RTKN: variants seen among roughly 807,000 people sequenced by gnomAD.
RTKN encodes rhotekin.
RTKN carries 49 observed loss-of-function variants against 63.5 expected under a neutral mutation model. The ratio of observed to expected loss-of-function variants is 0.77; its 90% CI spans 0.61 to 0.98. RTKN has a LOEUF of 0.98. RTKN is among the 50% of genes least tolerant of loss of function. The probability of loss-of-function intolerance (pLI) is 0.00; values close to 1 mark genes in which losing one functional copy is unlikely to be tolerated. For missense variants in RTKN, 685 were observed against 740.8 expected (o/e 0.92, Z 0.87); for synonymous variants, 295 against 290.4 (o/e 1.02, Z -0.16).
intron 1 of RTKN, among the ~76,000 whole-genome samples, chr2:74,437,782 TTAGG>T (rs1671137081): frequency 6.6e-6 from 1 of 152,208 alleles, no homozygotes; most frequent in African/African-American, 2.4e-5. Flanking sequence ...TGGAGGATAA[TTAGG>T]TAGAGTCCCA....
rs78167177 is a variant in RTKN at position 74,429,702 on chromosome 2, C to T, written c.755+126G>A. 4,081 of 913,152 alleles carry T rather than the reference C, an allele frequency of 4.5e-3. 11 individuals carry two copies. Among genetic ancestry groups the T allele is most frequent in the Non-Finnish European group, 6.0e-3 (3,581 of 593,288 alleles). 56.6% of individuals were successfully genotyped at this position (913,152 alleles called of 1,614,324 possible). On this transcript the variant is annotated intron_variant, in intron 6 of 11. Transcript: ENST00000272430. ...GCCTCCCAGCTACGTGGCCACTGCT[C>T]ATTCATATCTGTCTGCACATCCTGG...
At position 74,428,471 on chromosome 2, in the gene RTKN, C is replaced by A. The variant is rs975552969; in HGVS notation, c.958-75G>T. On this transcript the variant is annotated intron_variant, in intron 8 of 11. Transcript: ENST00000272430. The stretch of plus-strand genomic sequence containing the variant: ...CCTCTTCTCAGCCCCCCATGAGAAC[C>A]TGTTCGTTTTGTCCACCCTGCTGTC... 28 of 1,609,498 alleles carry A rather than the reference C, an allele frequency of 1.7e-5. No individual in the cohort carries two copies. In the Admixed American group the frequency reaches 3.3e-4, roughly 19 times the overall value.
chr2:74,437,977 T>C (rs1225245366), intron 1 of RTKN, among the ~76,000 whole-genome samples: 2 of 152,190 alleles, frequency 1.3e-5, no homozygotes, highest in African/African-American at 2.4e-5. Flanking sequence ...CTGAGAAAGA[T>C]TCTGAGGCCA....
chr2:74,432,582 CTCGCTGGGAGCAGGCTG>C lies in RTKN; in HGVS notation c.179_195del (p.Ala60GlyfsTer42), dbSNP rs775167501. On this transcript the variant is annotated frameshift_variant, in exon 2 of 12. Transcript: ENST00000272430. LOFTEE classifies it high-confidence loss of function. Reference sequence around the variant, plus strand: ...CTCTTGGTGGCCTCCAGAGCCTGCTCTCGCTGGGAGCAGGCTGCCAGCAGCTTACAGGCCCCTTCCCT... The same window carrying C: ...CTCTTGGTGGCCTCCAGAGCCTGCTCCCAGCAGCTTACAGGCCCCTTCCCT... The C allele has an allele frequency of 3.7e-6, 6 of 1,614,052 alleles. No individual in the cohort carries two copies. In the African/African-American group the frequency reaches 8.0e-5, roughly 22 times the overall value.
Position 74,426,515 on chromosome 2 carries a change from C to T in RTKN, c.1420G>A (p.Ala474Thr), listed in dbSNP as rs145949653. The change falls in exon 12 of 12, where the codon GCA (alanine) becomes ACA (threonine). Residue 474 changes from alanine to threonine, a missense_variant. Transcript: ENST00000272430. ...CAGGGTGGGGGTGTCTCCAGCCTTG[C>T]GCCCTCCCGCTGGGTCAGGATGTCT... ...VTDILTQREG[A>T]RLETPPPWLA... 1.6e-3 allele frequency: 2,504 copies of T among 1,566,452 alleles called. 48 individuals carry two copies. In the South Asian group the frequency reaches 0.024, roughly 15 times the overall value.
chr2:74,441,582 G>A (rs999078004), intron 1 of RTKN, 124 bp downstream of exon 1: 101 of 672,208 alleles, frequency 1.5e-4, no homozygotes, highest in Non-Finnish European at 2.4e-4. Context: ...AACTCCGTCG[G>A]GTTTGTACCC....
chr2:74,434,534 C>T (rs1489660228), intron 1 of RTKN, among the ~76,000 whole-genome samples: 1 of 152,158 alleles, frequency 6.6e-6, no homozygotes, highest in Non-Finnish European at 1.5e-5. Flanking sequence ...CCCGCCTTGG[C>T]CTCCCAAAGT....
chr2:74,426,622 C>T (rs1248991984), intron 11 of RTKN, 48 bp from the exon 12 acceptor site: 3 of 1,505,910 alleles, frequency 2.0e-6, no homozygotes, highest in Non-Finnish European at 1.8e-6. Context: ...AGTCAGAGCT[C>T]AGGCCCCAAG....
intron 1 of RTKN, among the ~76,000 whole-genome samples, chr2:74,437,027 T>C (rs1234180315): frequency 6.6e-6 from 1 of 152,092 alleles, no homozygotes; most frequent in East Asian, 1.9e-4. Context: ...CCTGTTGATA[T>C]CCCTTCCACC....
chr2:74,426,606 T>G, intron 11 of RTKN, 32 bp from the exon 12 acceptor site: 1 of 1,513,094 alleles, frequency 6.6e-7, no homozygotes, highest in Non-Finnish European at 8.8e-7. Flanking sequence ...GGGGGAGGGT[T>G]GGGCTAGTCA....
At position 74,438,390 on chromosome 2, in the gene RTKN, A is replaced by G. The variant is rs376589008; in HGVS notation, c.111+3316T>C. Among the ~76,000 whole-genome samples the G allele has an allele frequency of 2.6e-4, 39 of 152,252 alleles. No individual in the cohort carries two copies. The South Asian group carries it at 5.2e-3, about 20-fold the overall frequency. On this transcript the variant is annotated intron_variant, in intron 1 of 11. Transcript: ENST00000272430. ...CAGGTTCACTCCCACCTGAAGTGGG[A>G]GTGAAACAGCCTCCCACCTGGTGGA...
intron 2 of RTKN, among the ~76,000 whole-genome samples, chr2:74,431,407 T>C (rs1670745794): frequency 6.6e-6 from 1 of 152,218 alleles, no homozygotes; most frequent in Admixed American, 6.5e-5. Flanking sequence ...CTGAAGCGAC[T>C]GCCAGTTCAT....
intron 1 of RTKN, chr2:74,440,496 C>T: frequency 2.0e-6 from 2 of 986,982 alleles, no homozygotes; most frequent in South Asian, 4.7e-5. Context: ...GCCTAGCGCC[C>T]CCGCCTCCAC....
chr2:74,428,007 G>C (rs1034285613), intron 9 of RTKN: 5 of 544,936 alleles, frequency 9.2e-6, no homozygotes, highest in Admixed American at 6.2e-5. Context: ...GAGGGAGAGA[G>C]GATGAAAAGC....
intron 3 of RTKN, 26 bp downstream of exon 3, chr2:74,430,590 G>A (rs1417253821): frequency 1.2e-6 from 2 of 1,614,026 alleles, no homozygotes; most frequent in Non-Finnish European, 8.5e-7. Context: ...AGGGGTACCA[G>A]CAGCTGGGGT....
Position 74,428,963 on chromosome 2 carries a change from C to T in RTKN, c.756-21G>A, listed in dbSNP as rs778583771. ...GACCACTGAGGGAGATAGGAGAGAGCATCAGCCAAGGGAGGGGCATGTTGG... is the reference window on the plus strand; with the variant it reads ...GACCACTGAGGGAGATAGGAGAGAGTATCAGCCAAGGGAGGGGCATGTTGG... On this transcript the variant is annotated intron_variant, in intron 6 of 11. Transcript: ENST00000272430. The T allele has an allele frequency of 2.5e-6, 4 of 1,600,538 alleles. No homozygotes were observed. In the South Asian group the frequency reaches 4.4e-5, roughly 18 times the overall value.
intron 1 of RTKN, chr2:74,440,328 C>G: frequency 1.0e-6 from 1 of 983,888 alleles, no homozygotes; most frequent in Non-Finnish European, 1.2e-6. Flanking sequence ...CCATCCAGCC[C>G]GCTCCACCCT....
intron 1 of RTKN, chr2:74,439,666 G>T (rs764447964): frequency 6.2e-7 from 1 of 1,611,788 alleles, no homozygotes; most frequent in Non-Finnish European, 8.5e-7. Flanking sequence ...CCCCTCCAGA[G>T]GGGGGACAGA....
At position 74,441,902 on chromosome 2, in the gene RTKN, G is replaced by C; in HGVS notation, c.-86C>G. ...CTCTCCTCGGCTTCTGTCTCTCGAC[G>C]CTCGTCCGCCAGTCCGGCCGGGAAT... On this transcript the variant is annotated 5_prime_UTR_variant, in exon 1 of 12. Coordinates refer to ENST00000272430, the MANE Select transcript of RTKN (RefSeq NM_001015055.2). 1 of 788,104 alleles carries C rather than the reference G, an allele frequency of 1.3e-6. No homozygotes were observed. The highest frequency in any genetic ancestry group is 2.1e-6 in the Non-Finnish European group (1 of 481,512). The allele number at this position is 788,104 out of a possible 1,614,324, so 48.8% of individuals were successfully genotyped here.
Sources: allele counts gnomAD v4.1 joint callset (sites outside exome capture counted in the v4.1 genomes callset), GRCh38; gene constraint gnomAD v4.1.1; transcripts MANE v1.5; gene names NCBI Gene and HGNC (gene_info 2026-07-23, HGNC 2026-07-21).